The following ACADSB variants were observed in gnomAD, a reference collection of about 807,000 sequenced individuals.
ACADSB encodes short/branched chain specific acyl-CoA dehydrogenase, mitochondrial.
ACADSB carries 40 observed loss-of-function variants against 54.1 expected under a neutral mutation model. That is an observed-to-expected ratio of 0.74 (90% CI 0.57 to 0.96). ACADSB has a LOEUF of 0.96. ACADSB is among the 40% of genes least tolerant of loss of function. ACADSB has a pLI of 0.00. For missense variants in ACADSB, 530 were observed against 510.4 expected (o/e 1.04, Z -0.37); for synonymous variants, 182 against 182.8 (o/e 1.00, Z 0.03).
chr10:123,022,120 G>T (rs1233560767), intron 1 of ACADSB, among the ~76,000 whole-genome samples: 1 of 152,172 alleles, frequency 6.6e-6, no homozygotes, highest in East Asian at 1.9e-4. Context: ...TAACCATAAT[G>T]CTCTTTAAAA....
At chr10:123,036,620 A>T (rs1269560430) in intron 2 of ACADSB, among the ~76,000 whole-genome samples, 2 of 152,244 alleles carry the variant, frequency 1.3e-5, no homozygotes, top group African/African-American at 4.8e-5. Flanking sequence ...TAAGGAACTC[A>T]GAATCTAGTG....
chr10:123,023,016 T>TTTAA (rs1850203955), intron 1 of ACADSB, among the ~76,000 whole-genome samples: 2 of 152,220 alleles, frequency 1.3e-5, no homozygotes, highest in Admixed American at 1.3e-4. Context: ...TATAATTGTT[T>TTTAA]TTAATAGCCA....
At chr10:123,023,753 G>A (rs1426508757) in intron 1 of ACADSB, among the ~76,000 whole-genome samples, 3 of 152,168 alleles carry the variant, frequency 2.0e-5, no homozygotes, top group Admixed American at 6.5e-5. Context: ...CAGCACAAAA[G>A]CCTGGGTACA....
At chr10:123,037,925 C>A in intron 3 of ACADSB, 78 bp downstream of exon 3, 1 of 1,025,038 alleles carries the variant, frequency 9.8e-7, no homozygotes, top group East Asian at 2.4e-5. Flanking sequence ...ATGAACCCTG[C>A]ATTTCCCAGT....
At chr10:123,045,479 G>A (rs545020155) in intron 7 of ACADSB, among the ~76,000 whole-genome samples, 10 of 151,870 alleles carry the variant, frequency 6.6e-5, no homozygotes, top group East Asian at 1.9e-4. Flanking sequence ...CGCGCCCGGC[G>A]TTTGTAGAGT....
At chr10:123,028,962 A>G (rs771572004) in intron 1 of ACADSB, among the ~76,000 whole-genome samples, 10 of 152,224 alleles carry the variant, frequency 6.6e-5, no homozygotes, top group Admixed American at 2.0e-4. Context: ...AAAAACTAAT[A>G]TAACTGATAC....
chr10:123,037,636 G>C, intron 2 of ACADSB, 111 bp from the exon 3 acceptor site: 1 of 687,338 alleles, frequency 1.5e-6, no homozygotes, highest in East Asian at 2.7e-5. Context: ...AAAAATATAA[G>C]AAGGGTACCT....
At position 123,057,297 on chromosome 10, in the gene ACADSB, A is replaced by G. The variant is rs766895063; in HGVS notation, c.*3532A>G. ...TCTAATTTGTATGTATATTTTGTGC[A>G]TATTCACCAATAACAGTTAAAATTA... is the stretch of plus-strand genomic sequence containing the variant. On this transcript the variant is annotated 3_prime_UTR_variant, in exon 11 of 11. Transcript: ENST00000358776. 1.3e-5 allele frequency: 2 copies of G among 152,242 alleles called. No individual in the cohort carries two copies. Among genetic ancestry groups the G allele is most frequent in the Non-Finnish European group, 2.9e-5 (2 of 68,036 alleles). The allele number at this position is 152,242 out of a possible 1,614,324, so 9.4% of individuals were successfully genotyped here. A position where few individuals can be genotyped will look rare whatever the true frequency, so the allele number is the denominator to read the frequency against.
At chr10:123,011,139 G>C (rs1393706189) in intron 1 of ACADSB, among the ~76,000 whole-genome samples, 1 of 152,198 alleles carries the variant, frequency 6.6e-6, no homozygotes, top group Non-Finnish European at 1.5e-5. Context: ...AAGTGGCATG[G>C]AGTGGGGAGA....
In ACADSB at chr10:123,056,341, G is replaced by A. The variant is rs1850707877; in HGVS notation, c.*2576G>A. ...CATGGTGGTGGCAAGAGAAAATGAAGAAGAAGCAAAAGTGGAAACCCCTGA... is the reference window on the plus strand; with the variant it reads ...CATGGTGGTGGCAAGAGAAAATGAAAAAGAAGCAAAAGTGGAAACCCCTGA... On this transcript the variant is annotated 3_prime_UTR_variant, in exon 11 of 11. Transcript: ENST00000358776. The A allele has an allele frequency of 4.3e-6, 1 of 234,842 alleles. No individual in the cohort carries two copies. Among genetic ancestry groups the A allele is most frequent in the South Asian group, 5.6e-5 (1 of 17,722 alleles). The allele number at this position is 234,842 out of a possible 1,614,324, so 14.5% of individuals were successfully genotyped here.
intron 1 of ACADSB, among the ~76,000 whole-genome samples, chr10:123,011,954 G>A (rs535544915): frequency 6.6e-6 from 1 of 151,970 alleles, no homozygotes; most frequent in South Asian, 2.1e-4. Context: ...TGGCTCAAGT[G>A]ATTCTCTGAC....
At chr10:123,047,707 C>T (rs1361088746) in intron 8 of ACADSB, among the ~76,000 whole-genome samples, 12 of 152,136 alleles carry the variant, frequency 7.9e-5, no homozygotes, top group Non-Finnish European at 1.5e-4. Flanking sequence ...TACTTACTTA[C>T]CCCGGTTTAA....
At chr10:123,022,620 A>G (rs189082044) in intron 1 of ACADSB, among the ~76,000 whole-genome samples, 180 of 152,266 alleles carry the variant, frequency 1.2e-3, no homozygotes, top group African/African-American at 4.1e-3. Context: ...ACAAAATTAT[A>G]CTTTTTCTCA....
Position 123,009,052 on chromosome 10 carries a change from T to C in ACADSB, c.23T>C (p.Leu8Ser). MEGLAVR[L>S]LRGSRLLRRN... ...AGGATGGAGGGCCTGGCAGTGCGGT[T>C]GCTGCGCGGCAGCAGGCTGGTGAGT... Residue 8 changes from leucine (L) to serine (S), a missense_variant, in exon 1 of 11, where the codon TTG (leucine) becomes TCG (serine). Coordinates refer to ENST00000358776, the MANE Select transcript of ACADSB (RefSeq NM_001609.4). 6.5e-7 allele frequency: 1 copy of C among 1,547,372 alleles called. No individual in the cohort carries two copies. The highest frequency in any genetic ancestry group is 2.4e-5 in the East Asian group (1 of 40,882).
chr10:123,048,026 T>C (rs1156777292), intron 8 of ACADSB, among the ~76,000 whole-genome samples: 4 of 152,118 alleles, frequency 2.6e-5, no homozygotes, highest in Admixed American at 2.0e-4. Flanking sequence ...CTTGCCAGGG[T>C]GGGGGCAGCC....
chr10:123,020,857 G>A (rs4570518), intron 1 of ACADSB, among the ~76,000 whole-genome samples: 1 of 152,182 alleles, frequency 6.6e-6, no homozygotes, highest in African/African-American at 2.4e-5. Context: ...ACAAAAATTA[G>A]CTGGGTGTGA....
chr10:123,010,121 A>C (rs1849998357), intron 1 of ACADSB, among the ~76,000 whole-genome samples: 1 of 152,260 alleles, frequency 6.6e-6, no homozygotes, highest in South Asian at 2.1e-4. Flanking sequence ...ATAACTTAGC[A>C]AAGAAAATTT....
chr10:123,032,835 C>T (rs537797343), intron 1 of ACADSB, among the ~76,000 whole-genome samples: 90 of 152,010 alleles, frequency 5.9e-4, no homozygotes, highest in Middle Eastern at 6.8e-3. Flanking sequence ...ATGATCCGCC[C>T]GCCTGGGCCT....
In ACADSB at chr10:123,034,033, G is replaced by A. The variant is rs181490189; in HGVS notation, c.43-323G>A. Among the ~76,000 whole-genome samples, 580 of 152,318 alleles carry A rather than the reference G, an allele frequency of 3.8e-3. 2 individuals carry two copies. Among genetic ancestry groups the A allele is most frequent in the African/African-American group, 0.013 (554 of 41,578 alleles). On this transcript the variant is annotated intron_variant, in intron 1 of 10. Coordinates refer to ENST00000358776, the MANE Select transcript of ACADSB (RefSeq NM_001609.4). Reference sequence around the variant, plus strand: ...AGTTTTAGACATCAGTGGTGCTATAGTTCCAGTTTCCCCTTCTAAAATGTC... The same window carrying A: ...AGTTTTAGACATCAGTGGTGCTATAATTCCAGTTTCCCCTTCTAAAATGTC...
Sources: gnomAD v4.1 joint callset for allele counts (sites outside exome capture counted in the v4.1 genomes callset) on GRCh38, gnomAD v4.1.1 for gene constraint, MANE v1.5 for transcripts, NCBI Gene and HGNC (gene_info 2026-07-23, HGNC 2026-07-21) for gene names.